The following TSHZ3 variants were observed in gnomAD, a reference collection of about 807,000 sequenced individuals.
TSHZ3 encodes the protein teashirt zinc finger homeobox 3, also known as teashirt homolog 3.
Under a neutral mutation model 64.5 loss-of-function variants are expected in TSHZ3, and 10 were observed. The ratio of observed to expected loss-of-function variants is 0.16; its 90% CI spans 0.10 to 0.26. The LOEUF is 0.26. TSHZ3 is among the 10% of genes least tolerant of loss of function. TSHZ3 has a pLI of 1.00. For missense variants in TSHZ3, 1,242 were observed against 1,421.7 expected (o/e 0.87, Z 2.03); for synonymous variants, 608 against 593.1 (o/e 1.03, Z -0.36).
At chr19:31,350,258 G>A (rs1039867144), upstream of TSHZ3, among the ~76,000 whole-genome samples, 1 of 148,984 alleles carries the variant, frequency 6.7e-6, no homozygotes, top group African/African-American at 2.5e-5. Flanking sequence ...CAGACCCCGC[G>A]CCACCCAGCT....
chr19:31,196,631 A>C (rs976549333), intron 5 of TSHZ3, among the ~76,000 whole-genome samples: 3 of 152,018 alleles, frequency 2.0e-5, no homozygotes, highest in South Asian at 2.1e-4. Flanking sequence ...GGATGGAGAA[A>C]GACATACCAT....
rs1189128769 is a variant in TSHZ3, at chr19:31,230,861, G to A, written n.551-2721C>T. Among the ~76,000 whole-genome samples, 7 of 151,556 alleles carry A rather than the reference G, an allele frequency of 4.6e-5. No individual in the cohort carries two copies. In the East Asian group the frequency reaches 7.8e-4, roughly 17 times the overall value. On this transcript the variant is annotated intron_variant and non_coding_transcript_variant, in intron 3 of 6. Coordinates refer to the TSHZ3 transcript ENST00000651361. ...TCTACAGGCTCCTGCCACCACGCGCGGCTAATTTTTTTTTGTATTTTTAGT... is the reference window on the plus strand; with the variant it reads ...TCTACAGGCTCCTGCCACCACGCGCAGCTAATTTTTTTTTGTATTTTTAGT...
chr19:31,195,181 C>T (rs1603465), intron 5 of TSHZ3, among the ~76,000 whole-genome samples: 102,987 of 151,902 alleles, frequency 0.68, 34,999 homozygotes, highest in Middle Eastern at 0.74. Context: ...ATATTTAAAA[C>T]AATAATGCCC....
chr19:31,261,991 G>T (rs1279527294), intron 1 of TSHZ3, among the ~76,000 whole-genome samples: 2 of 152,152 alleles, frequency 1.3e-5, no homozygotes, highest in East Asian at 1.9e-4. Flanking sequence ...TGTAAATTTT[G>T]TTATTCTGTG....
At chr19:31,224,348 T>C (rs1199738836) in intron 4 of TSHZ3, among the ~76,000 whole-genome samples, 1 of 152,216 alleles carries the variant, frequency 6.6e-6, no homozygotes, top group African/African-American at 2.4e-5. Flanking sequence ...ATCCAAACCA[T>C]ATGTCTAGAT....
At position 31,346,796 on chromosome 19, in the gene TSHZ3, C is replaced by CA. The variant is rs1261084166; in HGVS notation, c.40+2383_40+2384insT. 3.8e-3 allele frequency among the ~76,000 whole-genome samples: 550 copies of CA among 145,148 alleles called. 1 individual carries two copies. The highest frequency in any genetic ancestry group is 5.9e-3 in the South Asian group (27 of 4,592). ...GTCCATCCAAACAAACAAACCACCC[C>CA]CAAAAAAAAAACCTCTGTGCATACT... is the stretch of plus-strand genomic sequence containing the variant. On this transcript the variant is annotated intron_variant, in intron 1 of 1. Transcript: ENST00000240587.
At chr19:31,183,206 C>G (rs991749459) in intron 5 of TSHZ3, among the ~76,000 whole-genome samples, 1 of 80,204 alleles carries the variant, frequency 1.2e-5, no homozygotes, top group Non-Finnish European at 2.3e-5. Flanking sequence ...CTCTCTCTCT[C>G]TCTCTCTCTC....
chr19:31,189,483 T>A lies in TSHZ3; in HGVS notation n.809+15473A>T, dbSNP rs1974867143. ...TATTTCTCATTTCCCATGGTGATTT[T>A]TTCCTTTTGATGAGTAGGTTATTTA... On this transcript the variant is annotated intron_variant and non_coding_transcript_variant, in intron 5 of 6. Transcript: ENST00000651361. Among the ~76,000 whole-genome samples the A allele has an allele frequency of 2.0e-5, 3 of 152,112 alleles. No homozygotes were observed. The East Asian group carries it at 5.8e-4, about 29-fold the overall frequency.
chr19:31,308,357 C>T, intron 1 of TSHZ3: 1 of 297,254 alleles, frequency 3.4e-6, no homozygotes, highest in Non-Finnish European at 6.1e-6. Context: ...AAAATCATGG[C>T]AAGGGTTTAT....
chr19:31,325,007 T>C (rs1916890441), intron 1 of TSHZ3, among the ~76,000 whole-genome samples: 1 of 152,328 alleles, frequency 6.6e-6, no homozygotes, highest in East Asian at 1.9e-4. Context: ...TAAATATTAT[T>C]CAGCTAAAAC....
intron 5 of TSHZ3, among the ~76,000 whole-genome samples, chr19:31,179,809 A>G (rs976740246): frequency 2.3e-5 from 3 of 131,340 alleles, no homozygotes; most frequent in Admixed American, 1.5e-4. Flanking sequence ...AACAATGATG[A>G]TGGTGGTGGT....
intron 3 of TSHZ3, among the ~76,000 whole-genome samples, chr19:31,237,807 C>A (rs1322048685): frequency 6.6e-6 from 1 of 152,114 alleles, no homozygotes; most frequent in African/African-American, 2.4e-5. Flanking sequence ...AAATTTTCAT[C>A]TTCATTTGCT....
At chr19:31,189,756 A>G (rs1224287930) in intron 5 of TSHZ3, among the ~76,000 whole-genome samples, 1 of 152,130 alleles carries the variant, frequency 6.6e-6, no homozygotes, top group Non-Finnish European at 1.5e-5. Flanking sequence ...AAGTTGGTTA[A>G]TATTGTTCTT....
In TSHZ3 at chr19:31,151,463, C is replaced by T. The variant is rs145652112; in HGVS notation, n.1153G>A. 1.4e-3 allele frequency among the ~76,000 whole-genome samples: 206 copies of T among 152,290 alleles called. 1 individual carries two copies. Among genetic ancestry groups the T allele is most frequent in the African/African-American group, 4.5e-3 (187 of 41,546 alleles). Reference sequence around the variant, plus strand: ...GATCCCCTTTCTTCTGACCTAGCCACCCAGTCTTCAACCCCCAAAATTATC... The same window carrying T: ...GATCCCCTTTCTTCTGACCTAGCCATCCAGTCTTCAACCCCCAAAATTATC... On this transcript the variant is annotated non_coding_transcript_exon_variant, in exon 7 of 7. Transcript: ENST00000651361.
Position 31,191,413 on chromosome 19 carries a change from A to T in TSHZ3, n.809+13543T>A, listed in dbSNP as rs1017988188. Among the ~76,000 whole-genome samples, 16 of 152,214 alleles carry T rather than the reference A, an allele frequency of 1.1e-4. 1 individual carries two copies. The highest frequency in any genetic ancestry group is 6.5e-5 in the Admixed American group (1 of 15,278). Reference sequence around the variant, plus strand: ...ATATTTTAAATACTGAAGTAAAAATAAGTCAACCTAGAATCCTATGTCCAG... The same window carrying T: ...ATATTTTAAATACTGAAGTAAAAATTAGTCAACCTAGAATCCTATGTCCAG... On this transcript the variant is annotated intron_variant and non_coding_transcript_variant, in intron 5 of 6. Transcript: ENST00000651361.
intron 1 of TSHZ3, among the ~76,000 whole-genome samples, chr19:31,341,455 C>G (rs539952697): frequency 1.3e-5 from 2 of 152,110 alleles, no homozygotes; most frequent in South Asian, 4.1e-4. Flanking sequence ...ATCAGCCACT[C>G]CCGGACATGT....
chr19:31,263,620 G>C (rs941507920), intron 1 of TSHZ3, among the ~76,000 whole-genome samples: 1 of 152,100 alleles, frequency 6.6e-6, no homozygotes, highest in African/African-American at 2.4e-5. Flanking sequence ...CATTTTGTGC[G>C]GGGCCAAGAG....
intron 1 of TSHZ3, among the ~76,000 whole-genome samples, chr19:31,325,791 T>C (rs181644177): frequency 1.3e-5 from 2 of 152,146 alleles, no homozygotes; most frequent in Non-Finnish European, 2.9e-5. Context: ...AGAATGTCCA[T>C]GCAGAGGGTA....
At chr19:31,216,564 T>C (rs1975334264) in intron 4 of TSHZ3, among the ~76,000 whole-genome samples, 1 of 151,888 alleles carries the variant, frequency 6.6e-6, no homozygotes, top group Non-Finnish European at 1.5e-5. Flanking sequence ...TTCTCCTGCC[T>C]CAGCCTCCCG....
Sources: gnomAD v4.1 joint callset for allele counts (sites outside exome capture counted in the v4.1 genomes callset) on GRCh38, gnomAD v4.1.1 for gene constraint, MANE v1.5 for transcripts, NCBI Gene and HGNC (gene_info 2026-07-23, HGNC 2026-07-21) for gene names.